SMARCD2: variants seen among roughly 807,000 people sequenced by gnomAD.
SMARCD2 encodes SWI/SNF-related matrix-associated actin-dependent regulator of chromatin subfamily D member 2.
In SMARCD2, 39 loss-of-function variants were observed where a neutral mutation model predicts 70.4. The observed-to-expected ratio is 0.55, with a 90% CI of 0.43 to 0.72. The LOEUF (loss-of-function observed/expected upper bound fraction) is 0.72. Among genes scored for constraint, SMARCD2 ranks in the 30% least tolerant of loss-of-function variants. SMARCD2 has a pLI of 0.00. For synonymous variants in SMARCD2, 249 were observed against 279.4 expected (o/e 0.89, Z 1.08); for missense variants, 540 against 713.4 (o/e 0.76, Z 2.77).
Position 63,834,584 on chromosome 17 carries a change from G to A in SMARCD2, c.820-9C>T, listed in dbSNP as rs566730732. On this transcript the variant is annotated splice_polypyrimidine_tract_variant and intron_variant, in intron 6 of 12. Transcript: ENST00000448276. This position sits in a 1 kb window ranked among gnomAD's most constrained non-coding sequence, Gnocchi z 5.6. Reference sequence around the variant, plus strand: ...GTGGGCATCCGGTGCCACTGGCAGGGAGGGAAGCATGGCTTATCACCAAGG... The same window carrying A: ...GTGGGCATCCGGTGCCACTGGCAGGAAGGGAAGCATGGCTTATCACCAAGG... The A allele has an allele frequency of 8.9e-5, 142 of 1,598,230 alleles. 1 individual carries two copies. In the South Asian group the frequency reaches 1.4e-3, roughly 16 times the overall value.
chr17:63,834,180 C>T lies in SMARCD2; in HGVS notation c.1070G>A (p.Arg357His), dbSNP rs147427461. 15 of 1,608,074 alleles carry T rather than the reference C, an allele frequency of 9.3e-6. No individual in the cohort carries two copies. The highest frequency in any genetic ancestry group is 1.6e-4 in the Middle Eastern group (1 of 6,072). ...GHEREYINCN[R>H]YFRQIFSCGR... ...CATCTGGCTAACCTGGCGGAAGTAA[C>T]GGTTGCAGTTGATGTACTCCCGCTC... The change falls in exon 8 of 13, where the codon CGT becomes CAT. Residue 357 changes from arginine to histidine, a missense_variant. By Grantham distance (29) the Arg-to-His change is conservative. Coordinates refer to ENST00000448276, the MANE Select transcript of SMARCD2 (RefSeq NM_001098426.2). This position sits in a 1 kb window ranked among gnomAD's most constrained non-coding sequence, Gnocchi z 5.6.
In SMARCD2 at chr17:63,842,443, C is replaced by A. The variant is rs1209298896; in HGVS notation, c.216+16G>T. 13 of 1,346,816 alleles carry A rather than the reference C, an allele frequency of 9.7e-6. No individual in the cohort carries two copies. The highest frequency in any genetic ancestry group is 1.2e-5 in the Non-Finnish European group (13 of 1,049,156). The allele number at this position is 1,346,816 out of a possible 1,614,324, so 83.4% of individuals were successfully genotyped here. ...AGCGCCTCTCGCCCCCGTCCGCTCG[C>A]GTCCTCCTTGCTCACCTGGTACTGC... On this transcript the variant is annotated intron_variant, in intron 1 of 12. Transcript: ENST00000448276.
chr17:63,842,221 G>C (rs1338304532), intron 1 of SMARCD2, among the ~76,000 whole-genome samples: 1 of 152,098 alleles, frequency 6.6e-6, no homozygotes, highest in Non-Finnish European at 1.5e-5. Context: ...CGGAATCCCT[G>C]TGCCGCGGAA....
chr17:63,835,207 C>T (rs1039184800), intron 5 of SMARCD2: 13 of 575,568 alleles, frequency 2.3e-5, no homozygotes, highest in African/African-American at 2.1e-4. Flanking sequence ...CACTGAAGCT[C>T]GACCTCCTGG....
Position 63,833,046 on chromosome 17 carries a change from G to A in SMARCD2, c.1542+23C>T. Reference sequence around the variant, plus strand: ...GCCTTTGCTACTCACGGCCAAAGGAGGGAAAACAGGGCAGAGCCTCACCTT... The same window carrying A: ...GCCTTTGCTACTCACGGCCAAAGGAAGGAAAACAGGGCAGAGCCTCACCTT... On this transcript the variant is annotated intron_variant, in intron 12 of 12. Transcript: ENST00000448276. This position sits in a 1 kb window ranked among gnomAD's most constrained non-coding sequence, Gnocchi z 4.3. The A allele has an allele frequency of 6.3e-7, 1 of 1,587,052 alleles. No individual in the cohort carries two copies. The highest frequency in any genetic ancestry group is 8.6e-7 in the Non-Finnish European group (1 of 1,167,326).
Position 63,837,771 on chromosome 17 carries a change from G to C in SMARCD2, c.217-146C>G. Reference sequence around the variant, plus strand: ...GCTGGAGCCCCAGGAACAAAGGGGAGTGGGCGCCTGAGCACAGAGTGTAAA... The same window carrying C: ...GCTGGAGCCCCAGGAACAAAGGGGACTGGGCGCCTGAGCACAGAGTGTAAA... On this transcript the variant is annotated intron_variant, in intron 1 of 12. Coordinates refer to ENST00000448276, the MANE Select transcript of SMARCD2 (RefSeq NM_001098426.2). The surrounding 1 kb of genome is among the most constrained non-coding windows in gnomAD (Gnocchi z 6.4). The C allele has an allele frequency of 1.5e-6, 1 of 671,700 alleles. No homozygotes were observed. The highest frequency in any genetic ancestry group is 2.5e-6 in the Non-Finnish European group (1 of 396,248). The allele number at this position is 671,700 out of a possible 1,614,324, so 41.6% of individuals were successfully genotyped here.
Position 63,833,753 on chromosome 17 carries a change from A to G in SMARCD2, c.1182-31T>C. ...GGCAGCACATGGGGAGGGAAGGCACATAGCTGACTTCATCCTGCCCACCTG... is the reference window on the plus strand; with the variant it reads ...GGCAGCACATGGGGAGGGAAGGCACGTAGCTGACTTCATCCTGCCCACCTG... On this transcript the variant is annotated intron_variant, in intron 9 of 12. Coordinates refer to ENST00000448276, the MANE Select transcript of SMARCD2 (RefSeq NM_001098426.2). The surrounding 1 kb of genome is among the most constrained non-coding windows in gnomAD (Gnocchi z 4.3). 6.2e-7 allele frequency: 1 copy of G among 1,613,368 alleles called. No individual in the cohort carries two copies. The highest frequency in any genetic ancestry group is 1.7e-5 in the Admixed American group (1 of 60,016).
intron 1 of SMARCD2, chr17:63,838,915 G>C (rs896540414): frequency 1.0e-6 from 1 of 985,360 alleles, no homozygotes; most frequent in South Asian, 4.7e-5. Flanking sequence ...CCAACACAGA[G>C]GGTCAGATTC....
In SMARCD2 at chr17:63,837,336, G is replaced by C; in HGVS notation, c.402-99C>G. ...GTCTCCAGGACCCTCTCCCCCAGGA[G>C]AGCCTGGAGTCATCCTCAGTCACCA... is the stretch of plus-strand genomic sequence containing the variant. On this transcript the variant is annotated intron_variant, in intron 2 of 12. Coordinates refer to ENST00000448276, the MANE Select transcript of SMARCD2 (RefSeq NM_001098426.2). The surrounding 1 kb of genome is among the most constrained non-coding windows in gnomAD (Gnocchi z 6.4). The C allele has an allele frequency of 6.6e-7, 1 of 1,523,884 alleles. No homozygotes were observed. The highest frequency in any genetic ancestry group is 9.1e-7 in the Non-Finnish European group (1 of 1,098,268). 94.4% of individuals were successfully genotyped at this position (1,523,884 alleles called of 1,614,324 possible).
rs530326233 is a variant in SMARCD2 at position 63,833,977 on chromosome 17, G to A, written c.1113C>T (p.Ser371=). ...QIFSCGRLRF[S]EIPMKLAGLL... is the part of the protein sequence containing the mutation. ...ACCCTGCCAGCTTCATGGGAATCTCGGAGAAACGGAGTCGGCCACAACTGA... is the reference window on the plus strand; with the variant it reads ...ACCCTGCCAGCTTCATGGGAATCTCAGAGAAACGGAGTCGGCCACAACTGA... Residue 371 remains serine, a synonymous_variant, in exon 9 of 13, where the codon TCC becomes TCT. Transcript: ENST00000448276. The surrounding 1 kb of genome is among the most constrained non-coding windows in gnomAD (Gnocchi z 4.3). The A allele has an allele frequency of 1.2e-5, 20 of 1,613,922 alleles. No individual in the cohort carries two copies. Among genetic ancestry groups the A allele is most frequent in the African/African-American group, 2.7e-5 (2 of 75,046 alleles).
At chr17:63,838,911 C>T (rs1567763533) in intron 1 of SMARCD2, 1 of 985,320 alleles carries the variant, frequency 1.0e-6, no homozygotes, top group East Asian at 1.1e-4. Context: ...GTTCCCAACA[C>T]AGAGGGTCAG....
In SMARCD2 at chr17:63,834,392, G is replaced by A; in HGVS notation, c.922-64C>T. On this transcript the variant is annotated intron_variant, in intron 7 of 12. Transcript: ENST00000448276. This position sits in a 1 kb window ranked among gnomAD's most constrained non-coding sequence, Gnocchi z 5.6. ...AGTAGAACAGTGGGAAAATAGGGCA[G>A]GGACAGGAAGGGTTTCTAGGAACCA... is the stretch of plus-strand genomic sequence containing the variant. The A allele has an allele frequency of 6.3e-7, 1 of 1,575,026 alleles. No homozygotes were observed. Among genetic ancestry groups the A allele is most frequent in the Admixed American group, 1.7e-5 (1 of 58,026 alleles).
Position 63,834,609 on chromosome 17 carries a change from G to A in SMARCD2, c.820-34C>T. 1.3e-6 allele frequency: 2 copies of A among 1,578,760 alleles called. No homozygotes were observed. The highest frequency in any genetic ancestry group is 1.7e-4 in the Middle Eastern group (1 of 5,948). Reference sequence around the variant, plus strand: ...GAGGGAAGCATGGCTTATCACCAAGGGGGTGGGCGTGAACACAGGGCCTCC... The same window carrying A: ...GAGGGAAGCATGGCTTATCACCAAGAGGGTGGGCGTGAACACAGGGCCTCC... On this transcript the variant is annotated intron_variant, in intron 6 of 12. Coordinates refer to ENST00000448276, the MANE Select transcript of SMARCD2 (RefSeq NM_001098426.2). The surrounding 1 kb of genome is among the most constrained non-coding windows in gnomAD (Gnocchi z 5.6).
At chr17:63,835,338 G>T in intron 5 of SMARCD2, 74 bp downstream of exon 5, 1 of 1,483,816 alleles carries the variant, frequency 6.7e-7, no homozygotes, top group Non-Finnish European at 9.2e-7. Flanking sequence ...GCTCAGGCTA[G>T]TATCAAACTC....
intron 1 of SMARCD2, chr17:63,839,034 G>A (rs1386372614): frequency 1.9e-5 from 19 of 985,192 alleles, no homozygotes; most frequent in Non-Finnish European, 2.3e-5. Context: ...TTCAAAGTGG[G>A]GGGCTCTGGG....
chr17:63,836,101 T>C (rs2040262091), intron 4 of SMARCD2, among the ~76,000 whole-genome samples: 1 of 152,048 alleles, frequency 6.6e-6, no homozygotes, highest in African/African-American at 2.4e-5. Context: ...TGCTACGGCA[T>C]GATGGAGTAA....
At position 63,837,532 on chromosome 17, in the gene SMARCD2, G is replaced by T. The variant is rs1339630793; in HGVS notation, c.310C>A (p.Arg104=). 6.2e-7 allele frequency: 1 copy of T among 1,608,960 alleles called. No homozygotes were observed. The highest frequency in any genetic ancestry group is 1.3e-5 in the African/African-American group (1 of 74,806). ...ATCATGGTGGGTGGCATGCCAGGTC[G>T]AAGCGGAGCTGCTGCACCAAATGGG... The part of the protein sequence containing the change: ...GSPFGAAAPL[R]PGMPPTMMDP... The change falls in exon 2 of 13, where the codon CGA becomes AGA. Residue 104 remains arginine (R), a synonymous_variant. Coordinates refer to ENST00000448276, the MANE Select transcript of SMARCD2 (RefSeq NM_001098426.2). The surrounding 1 kb of genome is among the most constrained non-coding windows in gnomAD (Gnocchi z 6.4).
Position 63,834,313 on chromosome 17 carries a change from A to G in SMARCD2, c.937T>C (p.Leu313=), listed in dbSNP as rs768534738. ...AGCAGCCTTGCCAATCGGGGGTCCAATTTGTACTGGGGAGGCTGGAGTTGG... is the reference window on the plus strand; with the variant it reads ...AGCAGCCTTGCCAATCGGGGGTCCAGTTTGTACTGGGGAGGCTGGAGTTGG... ...MLDHQPPQYK[L]DPRLARLLGV... The change falls in exon 8 of 13, where the codon TTG becomes CTG. Residue 313 remains leucine, a synonymous_variant. Transcript: ENST00000448276. This position sits in a 1 kb window ranked among gnomAD's most constrained non-coding sequence, Gnocchi z 5.6. 21 of 1,612,366 alleles carry G rather than the reference A, an allele frequency of 1.3e-5. No homozygotes were observed. In the Admixed American group the frequency reaches 1.3e-4, roughly 10 times the overall value.
At chr17:63,835,734 CT>C (rs995591326) in intron 4 of SMARCD2, 167 bp from the exon 5 acceptor site, 57,645 of 431,648 alleles carry the variant, frequency 0.13, 24 homozygotes, top group South Asian at 0.19. Context: ...CAGTCCCAGC[CT>C]TTTTTTTTTT....
Sources: allele counts gnomAD v4.1 joint callset (sites outside exome capture counted in the v4.1 genomes callset), GRCh38; gene constraint gnomAD v4.1.1; non-coding constraint Gnocchi (gnomAD v3.1); transcripts MANE v1.5; gene names NCBI Gene and HGNC (gene_info 2026-07-23, HGNC 2026-07-21).